Variants in PCDHGA3 observed in about 807,000 individuals in gnomAD.
The protein encoded by PCDHGA3 is protocadherin gamma-A3.
In PCDHGA3, 40 loss-of-function variants were observed where a neutral mutation model predicts 58.5. That is an observed-to-expected ratio of 0.68 (90% CI 0.53 to 0.89). The LOEUF is 0.89. Ranked by LOEUF, PCDHGA3 falls within the 40% of genes least tolerant of loss-of-function variation. PCDHGA3 has a pLI of 0.00. For missense variants in PCDHGA3, 1,223 were observed against 1,195.9 expected (o/e 1.02, Z -0.33); for synonymous variants, 530 against 525.7 (o/e 1.01, Z -0.11).
At chr5:141,478,519 G>A in intron 1 of PCDHGA3, 2 of 1,610,728 alleles carry the variant, frequency 1.2e-6, no homozygotes, top group Non-Finnish European at 1.7e-6. Context: ...GGCAGGTGTT[G>A]GGTGCAGAGA....
Position 141,422,522 on chromosome 5 carries a change from C to T in PCDHGA3, c.2425-72285C>T, listed in dbSNP as rs767482856. On this transcript the variant is annotated intron_variant, in intron 1 of 3. Coordinates refer to ENST00000253812, the MANE Select transcript of PCDHGA3 (RefSeq NM_018916.4). Reference sequence around the variant, plus strand: ...ACAGCCACAGACCAGGGAAGCCCGCCTTTGTCTGCAGAAACTCATGTCTGG... The same window carrying T: ...ACAGCCACAGACCAGGGAAGCCCGCTTTTGTCTGCAGAAACTCATGTCTGG... 11 of 1,614,014 alleles carry T rather than the reference C, an allele frequency of 6.8e-6. No homozygotes were observed. In the South Asian group the frequency reaches 1.1e-4, roughly 16 times the overall value.
intron 1 of PCDHGA3, chr5:141,430,655 G>T (rs1309165721): frequency 1.6e-5 from 17 of 1,084,938 alleles, no homozygotes; most frequent in Non-Finnish European, 2.2e-5. Flanking sequence ...TGGAAACAAC[G>T]GAGGAGCTCT....
intron 1 of PCDHGA3, chr5:141,430,569 G>A (rs1252716330): frequency 4.5e-6 from 2 of 439,930 alleles, no homozygotes; most frequent in African/African-American, 4.1e-5. Flanking sequence ...GGAGAGAAAA[G>A]CGGAGATCCT....
Position 141,381,340 on chromosome 5 carries a change from T to C in PCDHGA3, c.2424+34883T>C, listed in dbSNP as rs1777123842. 2.0e-5 allele frequency among the ~76,000 whole-genome samples: 3 copies of C among 152,250 alleles called. No homozygotes were observed. The South Asian group carries it at 6.2e-4, about 31-fold the overall frequency. On this transcript the variant is annotated intron_variant, in intron 1 of 3. Transcript: ENST00000253812. ...CTGCAACTATGTGAAAGGAGCTTTC[T>C]TTTCTTTCTGCTAGCAGAGGGTAGC...
At chr5:141,370,427 A>G (rs372276982) in intron 1 of PCDHGA3, 205 of 1,590,086 alleles carry the variant, frequency 1.3e-4, no homozygotes, top group Non-Finnish European at 1.7e-4. Context: ...GGGGCCCAGC[A>G]GGGCAGAGGC....
intron 1 of PCDHGA3, chr5:141,389,984 C>G: frequency 6.2e-7 from 1 of 1,614,070 alleles, no homozygotes; most frequent in Non-Finnish European, 8.5e-7. Flanking sequence ...TCTCAGTGCT[C>G]TTCCTCGTGG....
chr5:141,380,839 A>G (rs377236135), intron 1 of PCDHGA3, among the ~76,000 whole-genome samples: 1 of 152,258 alleles, frequency 6.6e-6, no homozygotes, highest in Non-Finnish European at 1.5e-5. Context: ...CATCAGGTAA[A>G]AATGGATCAA....
chr5:141,347,781 C>T (rs1219258137), intron 1 of PCDHGA3, among the ~76,000 whole-genome samples: 1 of 145,442 alleles, frequency 6.9e-6, no homozygotes, highest in East Asian at 2.0e-4. Context: ...AGAGAGACTC[C>T]ATCTCAAAAA....
chr5:141,400,233 C>G (rs373858401), intron 1 of PCDHGA3: 21 of 1,613,872 alleles, frequency 1.3e-5, no homozygotes, highest in Non-Finnish European at 1.8e-5. Context: ...TCCTCCTGGC[C>G]GTGATTCTGG....
At chr5:141,399,763 G>A (rs753865606) in intron 1 of PCDHGA3, 8 of 1,613,378 alleles carry the variant, frequency 5.0e-6, no homozygotes, top group Admixed American at 1.7e-5. Context: ...GAGCCTGCGC[G>A]TGTTGGTGGG....
rs539406412 is a variant in PCDHGA3, at chr5:141,427,895, G to A, written c.2425-66912G>A. ...CGATGCAGGCCCACGACCAGGGCTCGCCCGCGCTCAGCGCCAACATGAGCC... is the reference window on the plus strand; with the variant it reads ...CGATGCAGGCCCACGACCAGGGCTCACCCGCGCTCAGCGCCAACATGAGCC... On this transcript the variant is annotated intron_variant, in intron 1 of 3. Transcript: ENST00000253812. 373 of 1,569,222 alleles carry A rather than the reference G, an allele frequency of 2.4e-4. 2 individuals are homozygous for A. In the South Asian group the frequency reaches 3.9e-3, roughly 17 times the overall value.
chr5:141,435,059 G>A (rs2097741198), intron 1 of PCDHGA3, among the ~76,000 whole-genome samples: 1 of 152,042 alleles, frequency 6.6e-6, no homozygotes, highest in Non-Finnish European at 1.5e-5. Context: ...CCATGCAGCA[G>A]TTTTGTGTAG....
Position 141,485,987 on chromosome 5 carries a change from G to T in PCDHGA3, c.2425-8820G>T. 1 of 1,614,170 alleles carries T rather than the reference G, an allele frequency of 6.2e-7. No homozygotes were observed. On this transcript the variant is annotated intron_variant, in intron 1 of 3. Transcript: ENST00000253812. The surrounding 1 kb of genome is among the most constrained non-coding windows in gnomAD (Gnocchi z 5.7). ...GCTCAATGCCTCAGACCCGGACCTG[G>T]GTCCCAGTGGTAACGTCACCTTTTA...
intron 1 of PCDHGA3, among the ~76,000 whole-genome samples, chr5:141,446,065 G>T (rs1285093512): frequency 2.0e-5 from 3 of 152,306 alleles, no homozygotes; most frequent in African/African-American, 7.2e-5. Flanking sequence ...GATTAAAGGG[G>T]AGGCAGTGGA....
At chr5:141,366,451 C>T (rs372498112) in intron 1 of PCDHGA3, 14 of 1,614,228 alleles carry the variant, frequency 8.7e-6, no homozygotes, top group Non-Finnish European at 1.0e-5. Flanking sequence ...TCCTGGCCTT[C>T]GTCATCGTGC....
intron 1 of PCDHGA3, among the ~76,000 whole-genome samples, chr5:141,448,700 G>A (rs2098601460): frequency 6.6e-6 from 1 of 152,106 alleles, no homozygotes; most frequent in African/African-American, 2.4e-5. Context: ...CAGCACTTTG[G>A]GAGGCCGAGG....
At chr5:141,482,901 A>G (rs192886570) in intron 1 of PCDHGA3, among the ~76,000 whole-genome samples, 1 of 152,122 alleles carries the variant, frequency 6.6e-6, no homozygotes, top group Admixed American at 6.6e-5. Context: ...GTGAAACCTC[A>G]TCTCTATTAA....
chr5:141,366,595 C>T, intron 1 of PCDHGA3: 1 of 1,614,264 alleles, frequency 6.2e-7, no homozygotes, highest in Non-Finnish European at 8.5e-7. Flanking sequence ...CCTATTCCCA[C>T]GAGGTCTCCC....
At chr5:141,424,712 G>A (rs2096836283) in intron 1 of PCDHGA3, 1 of 152,126 alleles carries the variant, frequency 6.6e-6, no homozygotes, top group Non-Finnish European at 1.5e-5. Context: ...CATTTTCAGT[G>A]TAGTTGGGAG....
Sources: allele counts gnomAD v4.1 joint callset (sites outside exome capture counted in the v4.1 genomes callset), GRCh38; gene constraint gnomAD v4.1.1; non-coding constraint Gnocchi (gnomAD v3.1); transcripts MANE v1.5; gene names NCBI Gene and HGNC (gene_info 2026-07-23, HGNC 2026-07-21).